Variants in PLEKHG4 observed in about 807,000 individuals in gnomAD.
PLEKHG4 encodes pleckstrin homology and RhoGEF domain containing G4, also known as puratrophin-1.
PLEKHG4 carries 85 observed loss-of-function variants against 136.9 expected under a neutral mutation model. The observed-to-expected ratio is 0.62, with a 90% CI of 0.52 to 0.74. The LOEUF (loss-of-function observed/expected upper bound fraction) is 0.74, where lower values mean the gene tolerates loss of function less well. PLEKHG4 is among the 30% of genes least tolerant of loss of function. The pLI, the probability that PLEKHG4 is intolerant of heterozygous loss-of-function variation, is 0.00. For synonymous variants in PLEKHG4, 577 were observed against 646.9 expected (o/e 0.89, Z 1.64); for missense variants, 1,317 against 1,527.8 (o/e 0.86, Z 2.30).
At chr16:67,287,560 T>C in intron 18 of PLEKHG4, 1 of 482,686 alleles carries the variant, frequency 2.1e-6, no homozygotes, top group Non-Finnish European at 3.8e-6. Flanking sequence ...CCACCATGCC[T>C]AATTTGTAAA....
upstream of PLEKHG4, chr16:67,279,171 C>G (rs1051510603): frequency 6.6e-6 from 1 of 152,184 alleles, no homozygotes; most frequent in Non-Finnish European, 1.5e-5. Flanking sequence ...ACGCGGCCTT[C>G]CTGGCGGGAG....
In PLEKHG4 at chr16:67,289,051, C is replaced by G; in HGVS notation, c.*243C>G. On this transcript the variant is annotated 3_prime_UTR_variant, in exon 22 of 22. Coordinates refer to ENST00000379344, the MANE Select transcript of PLEKHG4 (RefSeq NM_001129729.3). The stretch of plus-strand genomic sequence containing the variant: ...GCCCCATGACCCCTTCTCCTGTCCC[C>G]AGCTCCCATCCCAGTTGTGGGTTAA... The G allele has an allele frequency of 1.6e-6, 1 of 618,990 alleles. No individual in the cohort carries two copies. The highest frequency in any genetic ancestry group is 2.9e-6 in the Non-Finnish European group (1 of 341,962). The allele number at this position is 618,990 out of a possible 1,614,324, so 38.3% of individuals were successfully genotyped here.
intron 5 of PLEKHG4, 46 bp downstream of exon 5, chr16:67,281,230 T>G: frequency 6.9e-7 from 1 of 1,459,148 alleles, no homozygotes; most frequent in Non-Finnish European, 9.6e-7. Flanking sequence ...CTTTTCTTTT[T>G]TTTTTTTTTT....
At chr16:67,286,692 T>C (rs776373702) in intron 16 of PLEKHG4, 26 bp downstream of exon 16, 21 of 1,591,358 alleles carry the variant, frequency 1.3e-5, no homozygotes, top group Non-Finnish European at 1.8e-5. Flanking sequence ...GCAAGGGCAG[T>C]GGGTGTGAAG....
chr16:67,285,749 G>T (rs1341647117), intron 14 of PLEKHG4, among the ~76,000 whole-genome samples: 2 of 152,244 alleles, frequency 1.3e-5, no homozygotes, highest in Admixed American at 1.3e-4. Context: ...AGGAAAATAA[G>T]CAGGATAGAT....
chr16:67,281,192 C>A lies in PLEKHG4; in HGVS notation c.813+8C>A. On this transcript the variant is annotated splice_region_variant and intron_variant, in intron 5 of 21. Transcript: ENST00000379344. ...GGGCTCAGCCAACTACAAGTGAGTA[C>A]AGGATTGTAGCTCCCCTCATTCCTT... 5.8e-6 allele frequency: 9 copies of A among 1,539,746 alleles called. No homozygotes were observed. The highest frequency in any genetic ancestry group is 1.7e-4 in the Middle Eastern group (1 of 5,896).
rs748633594 is a variant in PLEKHG4 at position 67,286,324 on chromosome 16, C to T, written c.2493C>T (p.Ser831=). The change falls in exon 15 of 22, where the codon TCC becomes TCT. Residue 831 remains serine (S), a synonymous_variant. Transcript: ENST00000379344. The part of the protein sequence containing the change: ...YALYSKNKPR[S]DALMSSYGHT... The stretch of plus-strand genomic sequence containing the variant: ...TCTACAGCAAGAATAAGCCTCGCTC[C>T]GATGCCCTGATGTCAAGCTATGGGC... 9.0e-5 allele frequency: 146 copies of T among 1,613,786 alleles called. No homozygotes were observed. The highest frequency in any genetic ancestry group is 1.2e-4 in the Non-Finnish European group (137 of 1,179,822).
intron 17 of PLEKHG4, 40 bp downstream of exon 17, chr16:67,286,959 G>T (rs548109115): frequency 1.9e-6 from 3 of 1,612,064 alleles, no homozygotes; most frequent in African/African-American, 1.3e-5. Flanking sequence ...TTGTTTTCCC[G>T]CCCCATGCCT....
Position 67,280,708 on chromosome 16 carries a change from A to G in PLEKHG4, c.500-3A>G. The G allele has an allele frequency of 6.2e-7, 1 of 1,614,076 alleles. No homozygotes were observed. The highest frequency in any genetic ancestry group is 1.7e-5 in the Admixed American group (1 of 60,024). ...GCAGACCCAAGTCATTTCCCTTCCC[A>G]AGCCCCCAGTGGATCCGGCCTCCCT... On this transcript the variant is annotated splice_polypyrimidine_tract_variant and splice_region_variant and intron_variant, in intron 2 of 21. Transcript: ENST00000379344. The surrounding 1 kb of genome is among the most constrained non-coding windows in gnomAD (Gnocchi z 4.4).
In PLEKHG4 at chr16:67,284,874, A is replaced by G; in HGVS notation, c.1854A>G (p.Ser618=). 11 of 1,612,956 alleles carry G rather than the reference A, an allele frequency of 6.8e-6. No homozygotes were observed. Among genetic ancestry groups the G allele is most frequent in the Non-Finnish European group, 9.3e-6 (11 of 1,179,776 alleles). The part of the protein sequence containing the change: ...KMWALATGLG[S]EAIRQECRWA... ...GGGCTCTGGCCACGGGGCTGGGCTC[A>G]GAGGCCATCCGCCAGGAGTGCCGCT... The change falls in exon 13 of 22, where the codon TCA becomes TCG. Residue 618 remains serine, a synonymous_variant. Transcript: ENST00000379344. This position sits in a 1 kb window ranked among gnomAD's most constrained non-coding sequence, Gnocchi z 4.4.
intron 4 of PLEKHG4, 39 bp downstream of exon 4, chr16:67,281,044 C>G (rs182286285): frequency 1.2e-6 from 2 of 1,613,872 alleles, no homozygotes; most frequent in Non-Finnish European, 8.5e-7. Context: ...CCTGAGCCAG[C>G]TGTGAGGACT....
chr16:67,278,968 C>A (rs1323099460), upstream of PLEKHG4: 1 of 152,356 alleles, frequency 6.6e-6, no homozygotes, highest in Non-Finnish European at 1.5e-5. Flanking sequence ...TGGTCTCACT[C>A]CCACCCGGAT....
At position 67,280,022 on chromosome 16, in the gene PLEKHG4, A is replaced by G; in HGVS notation, c.-23A>G. On this transcript the variant is annotated 5_prime_UTR_variant, in exon 2 of 22. Coordinates refer to ENST00000379344, the MANE Select transcript of PLEKHG4 (RefSeq NM_001129729.3). This position sits in a 1 kb window ranked among gnomAD's most constrained non-coding sequence, Gnocchi z 4.4. ...CAGCCCTCTCCCGCTGGCCCCGAGCAGGCCCACCTTTAGGAGGGCGTGATG... is the reference window on the plus strand; with the variant it reads ...CAGCCCTCTCCCGCTGGCCCCGAGCGGGCCCACCTTTAGGAGGGCGTGATG... 1 of 1,609,706 alleles carries G rather than the reference A, an allele frequency of 6.2e-7. No homozygotes were observed. The highest frequency in any genetic ancestry group is 8.5e-7 in the Non-Finnish European group (1 of 1,177,626).
chr16:67,284,239 G>A lies in PLEKHG4; in HGVS notation c.1510-36G>A. 1 of 1,599,314 alleles carries A rather than the reference G, an allele frequency of 6.3e-7. No homozygotes were observed. Among genetic ancestry groups the A allele is most frequent in the African/African-American group, 1.3e-5 (1 of 74,712 alleles). ...CTGAGTCTGGGGGCTAGACCGCCAG[G>A]CCTGGGCTGGCTGAGCCTAGTCTCT... On this transcript the variant is annotated intron_variant, in intron 11 of 21. Transcript: ENST00000379344. The surrounding 1 kb of genome is among the most constrained non-coding windows in gnomAD (Gnocchi z 4.4).
chr16:67,281,891 G>A, intron 7 of PLEKHG4, 54 bp downstream of exon 7: 1 of 1,556,594 alleles, frequency 6.4e-7, no homozygotes, highest in Non-Finnish European at 8.8e-7. Flanking sequence ...TTGGGATCAT[G>A]GAGGAGCCTC....
In PLEKHG4 at chr16:67,281,893, AG is replaced by A. The variant is rs1279054280; in HGVS notation, c.1005+58del. ...TCATATAGGCAACTTGGGATCATGG[AG>A]GAGCCTCTCTGGGGCTGGCTTGAAC... On this transcript the variant is annotated intron_variant, in intron 7 of 21. Coordinates refer to ENST00000379344, the MANE Select transcript of PLEKHG4 (RefSeq NM_001129729.3). The A allele has an allele frequency of 3.2e-6, 5 of 1,555,826 alleles. No homozygotes were observed. The African/African-American group carries it at 6.8e-5, about 21-fold the overall frequency.
Position 67,288,187 on chromosome 16 carries a change from A to G in PLEKHG4, c.3241A>G (p.Ile1081Val). The change falls in exon 20 of 22, where the codon ATT becomes GTT. Residue 1081 changes from isoleucine (I) to valine (V), a missense_variant. Physicochemically the swap from Ile to Val is conservative, Grantham distance 29. Transcript: ENST00000379344. ...TGCAGAAGTTCGCTCTCGGGCGTCC[A>G]TTGCCGTAGCCCCGTTTGACCATGA... is the stretch of plus-strand genomic sequence containing the variant. ...KCREVRSRAS[I>V]AVAPFDHDSL... is the part of the protein sequence containing the mutation. 2.5e-6 allele frequency: 4 copies of G among 1,613,956 alleles called. No homozygotes were observed. Among genetic ancestry groups the G allele is most frequent in the Non-Finnish European group, 3.4e-6 (4 of 1,179,972 alleles).
chr16:67,280,062 G>A lies in PLEKHG4; in HGVS notation c.18G>A (p.Glu6=), dbSNP rs2036139386. The A allele has an allele frequency of 6.2e-7, 1 of 1,613,290 alleles. No homozygotes were observed. The highest frequency in any genetic ancestry group is 1.7e-5 in the Admixed American group (1 of 60,000). The part of the protein sequence containing the change: MERPL[E]NGDESPDSQG... ...AGGGCGTGATGGAAAGGCCCCTGGA[G>A]AATGGGGATGAGTCCCCAGACTCTC... The change falls in exon 2 of 22, where the codon GAG becomes GAA. Residue 6 remains glutamate, a synonymous_variant. Coordinates refer to ENST00000379344, the MANE Select transcript of PLEKHG4 (RefSeq NM_001129729.3). The surrounding 1 kb of genome is among the most constrained non-coding windows in gnomAD (Gnocchi z 4.4).
chr16:67,279,978 C>T lies in PLEKHG4; in HGVS notation c.-67C>T, dbSNP rs2036134661. 2.6e-6 allele frequency: 4 copies of T among 1,518,180 alleles called. No individual in the cohort carries two copies. The highest frequency in any genetic ancestry group is 2.7e-6 in the Non-Finnish European group (3 of 1,112,946). The allele number at this position is 1,518,180 out of a possible 1,614,324, so 94.0% of individuals were successfully genotyped here. A position where few individuals can be genotyped will look rare whatever the true frequency, so the allele number is the denominator to read the frequency against. On this transcript the variant is annotated 5_prime_UTR_variant, in exon 2 of 22. Coordinates refer to ENST00000379344, the MANE Select transcript of PLEKHG4 (RefSeq NM_001129729.3). ...CTGAGTCCCACTCGACTGTCTTCAG[C>T]GCGGTTCACACTGAGACCCAGCCCT...
Sources: gnomAD v4.1 joint callset for allele counts (sites outside exome capture counted in the v4.1 genomes callset) on GRCh38, gnomAD v4.1.1 for gene constraint, Gnocchi (gnomAD v3.1) non-coding constraint, MANE v1.5 for transcripts, NCBI Gene and HGNC (gene_info 2026-07-23, HGNC 2026-07-21) for gene names.